The following CXCL14 variants were observed in gnomAD, a reference collection of about 807,000 sequenced individuals.
CXCL14 encodes C-X-C motif chemokine 14.
CXCL14 carries 9 observed loss-of-function variants against 16.1 expected under a neutral mutation model. The observed-to-expected ratio is 0.56, with a 90% confidence interval of 0.34 to 0.97. CXCL14 has a LOEUF of 0.97. Ranked by LOEUF, CXCL14 falls within the 50% of genes least tolerant of loss-of-function variation. CXCL14 has a pLI of 0.02. For synonymous variants in CXCL14, 55 were observed against 52.8 expected (o/e 1.04, Z -0.18); for missense variants, 111 against 132.5 (o/e 0.84, Z 0.80).
intron 2 of CXCL14, among the ~76,000 whole-genome samples, chr5:135,575,281 T>C (rs1384429673): frequency 6.6e-6 from 1 of 152,120 alleles, no homozygotes; most frequent in East Asian, 1.9e-4. Flanking sequence ...CCCAGGTATC[T>C]CACCCCTAAG....
chr5:135,576,523 C>T (rs916291787), intron 2 of CXCL14, among the ~76,000 whole-genome samples: 3 of 152,160 alleles, frequency 2.0e-5, no homozygotes, highest in Admixed American at 1.3e-4. Flanking sequence ...TTATGAAAAT[C>T]GGTTGTGGAG....
chr5:135,571,787 A>AATTTTTT lies in CXCL14; in HGVS notation c.*65_*66insAAAAAAT. ...TTTTTTTTTTTTTTTTTTTTTTTTAATCTGCAAAGTCCTTTGCACAAGTCT... is the reference window on the plus strand; with the variant it reads ...TTTTTTTTTTTTTTTTTTTTTTTTAAATTTTTTTCTGCAAAGTCCTTTGCACAAGTCT... On this transcript the variant is annotated 3_prime_UTR_variant, in exon 4 of 4. Transcript: ENST00000512158. 2.9e-6 allele frequency: 1 copy of AATTTTTT among 349,818 alleles called. No individual in the cohort carries two copies. Among genetic ancestry groups the AATTTTTT allele is most frequent in the Non-Finnish European group, 4.9e-6 (1 of 203,390 alleles). The allele number at this position is 349,818 out of a possible 1,614,324, so 21.7% of individuals were successfully genotyped here. A position where few individuals can be genotyped will look rare whatever the true frequency, so the allele number is the denominator to read the frequency against.
In CXCL14 at chr5:135,577,900, T is replaced by C. The variant is rs1171886168; in HGVS notation, c.170+534A>G. 2.0e-5 allele frequency among the ~76,000 whole-genome samples: 3 copies of C among 152,196 alleles called. No homozygotes were observed. The East Asian group carries it at 5.8e-4, about 29-fold the overall frequency. ...GGGGACCCACAAGGAGTACAGTCGG[T>C]GAGGGAAGCTCGTGGAGCGTTCTCA... On this transcript the variant is annotated intron_variant, in intron 2 of 3. Transcript: ENST00000512158.
rs1751025480 is a variant in CXCL14 at position 135,571,450 on chromosome 5, A to G, written c.*403T>C. On this transcript the variant is annotated 3_prime_UTR_variant, in exon 4 of 4. Transcript: ENST00000512158. The stretch of plus-strand genomic sequence containing the variant: ...AGCTTCCCAAGCTAGGAATGGAGCA[A>G]CACTGCAATGAAATGTGTCCACCAA... 5.6e-6 allele frequency: 1 copy of G among 179,374 alleles called. No homozygotes were observed. Among genetic ancestry groups the G allele is most frequent in the African/African-American group, 2.4e-5 (1 of 41,960 alleles). The allele number at this position is 179,374 out of a possible 1,614,324, so 11.1% of individuals were successfully genotyped here. A position where few individuals can be genotyped will look rare whatever the true frequency, so the allele number is the denominator to read the frequency against.
chr5:135,571,946 A>C (rs1292061101), intron 3 of CXCL14, 78 bp from the exon 4 acceptor site: 17 of 1,461,394 alleles, frequency 1.2e-5, no homozygotes, highest in Non-Finnish European at 1.6e-5. Flanking sequence ...AAGCGGCTTC[A>C]TTCACGTCTG....
intron 2 of CXCL14, among the ~76,000 whole-genome samples, chr5:135,576,114 C>G (rs17168634): frequency 0.089 from 13,534 of 152,164 alleles, 611 homozygotes; most frequent in South Asian, 0.15. Flanking sequence ...TTCTGGGGTC[C>G]CTGCTAGGGC....
chr5:135,578,884 C>T lies in CXCL14; in HGVS notation c.-106G>A, dbSNP rs556656061. 277 of 1,243,272 alleles carry T rather than the reference C, an allele frequency of 2.2e-4. 1 individual carries two copies. Among genetic ancestry groups the T allele is most frequent in the South Asian group, 2.2e-3 (128 of 59,272 alleles). The allele number at this position is 1,243,272 out of a possible 1,614,324, so 77.0% of individuals were successfully genotyped here. A position where few individuals can be genotyped will look rare whatever the true frequency, so the allele number is the denominator to read the frequency against. ...CCAGCTCTGCTCGGCTTTCTCTGCC[C>T]GGGGCGCGCCTTCCGGCTCTGCTGG... On this transcript the variant is annotated 5_prime_UTR_variant, in exon 1 of 4. Coordinates refer to ENST00000512158, the MANE Select transcript of CXCL14 (RefSeq NM_004887.5).
rs1407460053 is a variant in CXCL14 at position 135,570,781 on chromosome 5, C to T, written c.*1072G>A. 1.3e-5 allele frequency: 2 copies of T among 151,910 alleles called. No individual in the cohort carries two copies. Among genetic ancestry groups the T allele is most frequent in the Non-Finnish European group, 2.9e-5 (2 of 68,058 alleles). The allele number at this position is 151,910 out of a possible 1,614,324, so 9.4% of individuals were successfully genotyped here. A position where few individuals can be genotyped will look rare whatever the true frequency, so the allele number is the denominator to read the frequency against. On this transcript the variant is annotated 3_prime_UTR_variant, in exon 4 of 4. Transcript: ENST00000512158. ...TCTGACATGTACATAGCATATAACA[C>T]AGCAGTACAATGCGGCATATACTGG...
rs555250714 is a variant in CXCL14 at position 135,578,938 on chromosome 5, G to A, written c.-160C>T. 1,945 of 740,080 alleles carry A rather than the reference G, an allele frequency of 2.6e-3. 3 individuals are homozygous for A. Among genetic ancestry groups the A allele is most frequent in the Non-Finnish European group, 3.2e-3 (1,581 of 488,920 alleles). 45.8% of individuals were successfully genotyped at this position (740,080 alleles called of 1,614,324 possible). On this transcript the variant is annotated 5_prime_UTR_variant, in exon 1 of 4. Transcript: ENST00000512158. ...CGGCTGCGCCGTCGGTGGATGCCCA[G>A]GGCTGTCTGTGGCCGTGCGCTGCGC...
At chr5:135,572,717 C>T (rs543273160) in intron 3 of CXCL14, among the ~76,000 whole-genome samples, 8 of 152,344 alleles carry the variant, frequency 5.3e-5, no homozygotes, top group Non-Finnish European at 7.3e-5. Context: ...TGGCCAGAAG[C>T]TCCCTGGAAG....
At chr5:135,576,076 G>C (rs544852207) in intron 2 of CXCL14, among the ~76,000 whole-genome samples, 1 of 152,346 alleles carries the variant, frequency 6.6e-6, no homozygotes, top group Admixed American at 6.5e-5. Context: ...TAGGCAACCT[G>C]TTCTCTTCCC....
intron 2 of CXCL14, among the ~76,000 whole-genome samples, chr5:135,575,890 A>C (rs1433882516): frequency 6.6e-6 from 1 of 152,158 alleles, no homozygotes; most frequent in African/African-American, 2.4e-5. Flanking sequence ...GTGAGAGTGG[A>C]AAGAGTGAGA....
chr5:135,572,963 G>A (rs1209779396), intron 3 of CXCL14, among the ~76,000 whole-genome samples: 2 of 152,156 alleles, frequency 1.3e-5, no homozygotes, highest in African/African-American at 4.8e-5. Flanking sequence ...AGAAAGAGGG[G>A]TGAACTAATT....
In CXCL14 at chr5:135,571,780, T is replaced by C; in HGVS notation, c.*73A>G. 1 of 412,022 alleles carries C rather than the reference T, an allele frequency of 2.4e-6. No homozygotes were observed. The highest frequency in any genetic ancestry group is 4.0e-6 in the Non-Finnish European group (1 of 250,428). The allele number at this position is 412,022 out of a possible 1,614,324, so 25.5% of individuals were successfully genotyped here. On this transcript the variant is annotated 3_prime_UTR_variant, in exon 4 of 4. Transcript: ENST00000512158. ...TTTTTTTTTTTTTTTTTTTTTTTTT[T>C]TTTTTAATCTGCAAAGTCCTTTGCA... is the stretch of plus-strand genomic sequence containing the variant.
intron 3 of CXCL14, among the ~76,000 whole-genome samples, chr5:135,572,655 A>C (rs1751045137): frequency 6.6e-6 from 1 of 152,146 alleles, no homozygotes; most frequent in Non-Finnish European, 1.5e-5. Flanking sequence ...TCTGAGTAAG[A>C]CCACTGAATT....
chr5:135,574,364 C>T (rs555026454), intron 3 of CXCL14, among the ~76,000 whole-genome samples: 10 of 152,216 alleles, frequency 6.6e-5, no homozygotes, highest in Non-Finnish European at 1.3e-4. Flanking sequence ...TGCAAATGGA[C>T]AAGAGATGGA....
rs1326312943 is a variant in CXCL14 at position 135,578,537 on chromosome 5, A to C, written c.67T>G (p.Ser23Ala). The change falls in exon 2 of 4, where the codon TCC (serine) becomes GCC (alanine). Residue 23 changes from serine to alanine, a missense_variant and splice_region_variant. Transcript: ENST00000512158. ...LALYTARVDGSKCKCSRKGPK... is the reference protein window; with the variant it reads ...LALYTARVDGAKCKCSRKGPK... ...CCCTTCCGGGAGCACTTGCATTTGGACCCTGCGAGCGAGCGCGGGGCAACG... is the reference window on the plus strand; with the variant it reads ...CCCTTCCGGGAGCACTTGCATTTGGCCCCTGCGAGCGAGCGCGGGGCAACG... 1 of 1,613,988 alleles carries C rather than the reference A, an allele frequency of 6.2e-7. No individual in the cohort carries two copies. The highest frequency in any genetic ancestry group is 8.5e-7 in the Non-Finnish European group (1 of 1,179,956).
In CXCL14 at chr5:135,578,795, C is replaced by A; in HGVS notation, c.-17G>T. ...GAGCCTCATGCTGACCGGAGGGGCG[C>A]GGCGTGGGAGCAGGGACATGGGGAG... is the stretch of plus-strand genomic sequence containing the variant. On this transcript the variant is annotated 5_prime_UTR_variant, in exon 1 of 4. Coordinates refer to ENST00000512158, the MANE Select transcript of CXCL14 (RefSeq NM_004887.5). 1 of 1,535,000 alleles carries A rather than the reference C, an allele frequency of 6.5e-7. No homozygotes were observed. The highest frequency in any genetic ancestry group is 8.7e-7 in the Non-Finnish European group (1 of 1,142,950).
Position 135,578,712 on chromosome 5 carries a change from C to T in CXCL14, c.64+3G>A, listed in dbSNP as rs1436644514. 6.4e-7 allele frequency: 1 copy of T among 1,551,094 alleles called. No individual in the cohort carries two copies. Among genetic ancestry groups the T allele is most frequent in the East Asian group, 2.4e-5 (1 of 40,968 alleles). On this transcript the variant is annotated splice_donor_region_variant and intron_variant, in intron 1 of 3. Transcript: ENST00000512158. ...GGCGACAAGGGGAGCTCCCCGCACTCACCGTCCACACGCGCGGTGTACAGC... is the reference window on the plus strand; with the variant it reads ...GGCGACAAGGGGAGCTCCCCGCACTTACCGTCCACACGCGCGGTGTACAGC...
Sources: allele counts gnomAD v4.1 joint callset (sites outside exome capture counted in the v4.1 genomes callset), GRCh38; gene constraint gnomAD v4.1.1; transcripts MANE v1.5; gene names NCBI Gene and HGNC (gene_info 2026-07-23, HGNC 2026-07-21).